FIGN: variants seen among roughly 807,000 people sequenced by gnomAD.
The protein encoded by FIGN is fidgetin.
Under a neutral mutation model 51.3 loss-of-function variants are expected in FIGN, and 11 were observed. The ratio of observed to expected loss-of-function variants is 0.21; its 90% CI spans 0.13 to 0.35. The LOEUF (loss-of-function observed/expected upper bound fraction) is 0.35, where lower values mean the gene tolerates loss of function less well. FIGN is among the 10% of genes least tolerant of loss of function. FIGN has a pLI of 1.00. For synonymous variants in FIGN, 407 were observed against 363.2 expected (o/e 1.12, Z -1.37); for missense variants, 857 against 943.6 (o/e 0.91, Z 1.20).
At chr2:163,692,937 G>A (rs1684260016) in intron 2 of FIGN, among the ~76,000 whole-genome samples, 1 of 152,214 alleles carries the variant, frequency 6.6e-6, no homozygotes. Context: ...CAACCTTGAT[G>A]CAATAGGTGG....
intron 2 of FIGN, among the ~76,000 whole-genome samples, chr2:163,647,234 T>G (rs1398498412): frequency 6.6e-6 from 1 of 152,194 alleles, no homozygotes; most frequent in African/African-American, 2.4e-5. Context: ...GGAATGTAAT[T>G]GGCAAATGCT....
At chr2:163,729,293 T>G (rs190053957) in intron 2 of FIGN, among the ~76,000 whole-genome samples, 3 of 152,064 alleles carry the variant, frequency 2.0e-5, no homozygotes, top group South Asian at 2.1e-4. Flanking sequence ...GCAGTTTCTG[T>G]TCTCATGCCA....
intron 2 of FIGN, chr2:163,612,370 T>A: frequency 1.0e-6 from 1 of 985,392 alleles, no homozygotes; most frequent in Middle Eastern, 5.2e-4. Flanking sequence ...CACAGTATAA[T>A]GCTCCCTGCG....
chr2:163,632,994 C>T (rs2105311926), intron 2 of FIGN, among the ~76,000 whole-genome samples: 1 of 152,028 alleles, frequency 6.6e-6, no homozygotes, highest in Non-Finnish European at 1.5e-5. Context: ...AGTTGGAGAC[C>T]AGTCTGAGCA....
intron 2 of FIGN, among the ~76,000 whole-genome samples, chr2:163,641,719 G>A (rs1377964892): frequency 6.6e-6 from 1 of 152,172 alleles, no homozygotes; most frequent in East Asian, 1.9e-4. Context: ...CAAATGCCAT[G>A]GCAGCAAATG....
chr2:163,654,675 T>C (rs1315597781), intron 2 of FIGN, among the ~76,000 whole-genome samples: 1 of 152,136 alleles, frequency 6.6e-6, no homozygotes, highest in African/African-American at 2.4e-5. Context: ...GGCCGAGTTA[T>C]TTTTCATAGG....
At position 163,672,925 on chromosome 2, in the gene FIGN, C is replaced by A. The variant is rs1374278105; in HGVS notation, c.26-61119G>T. Among the ~76,000 whole-genome samples, 2 of 152,092 alleles carry A rather than the reference C, an allele frequency of 1.3e-5. 1 individual carries two copies. The highest frequency in any genetic ancestry group is 3.9e-4 in the East Asian group (2 of 5,182). ...TTTCTTTAAATGGCCATTTCTGTAA[C>A]TTTCCAAAGAGGAAAGAGATATAGT... is the stretch of plus-strand genomic sequence containing the variant. On this transcript the variant is annotated intron_variant, in intron 2 of 2. Coordinates refer to ENST00000333129, the MANE Select transcript of FIGN (RefSeq NM_018086.4).
intron 2 of FIGN, among the ~76,000 whole-genome samples, chr2:163,660,814 C>G (rs1353232945): frequency 1.8e-5 from 1 of 56,122 alleles, no homozygotes; most frequent in Admixed American, 2.7e-4. Context: ...CATATATATA[C>G]ATATACATAT....
At chr2:163,679,796 T>TC (rs1684030914) in intron 2 of FIGN, among the ~76,000 whole-genome samples, 1 of 152,242 alleles carries the variant, frequency 6.6e-6, no homozygotes, top group African/African-American at 2.4e-5. Flanking sequence ...TCCTCTATAA[T>TC]CTGTTTCAGT....
At chr2:163,727,534 C>A (rs1486057071) in intron 2 of FIGN, among the ~76,000 whole-genome samples, 1 of 152,062 alleles carries the variant, frequency 6.6e-6, no homozygotes, top group Non-Finnish European at 1.5e-5. Flanking sequence ...GATTTTTCTT[C>A]TTAGAAAGTC....
rs115862078 is a variant in FIGN at position 163,667,913 on chromosome 2, G to A, written c.26-56107C>T. 7.9e-3 allele frequency among the ~76,000 whole-genome samples: 1,203 copies of A among 151,630 alleles called. 15 individuals carry two copies. The highest frequency in any genetic ancestry group is 0.028 in the African/African-American group (1,163 of 41,226). On this transcript the variant is annotated intron_variant, in intron 2 of 2. Transcript: ENST00000333129. ...GCCTGGAATATAGATATGTGTGTAC[G>A]TCTTTGAATAAGTAAATAAACAAGC...
At chr2:163,612,461 G>A (rs772956039) in intron 2 of FIGN, 5 of 985,206 alleles carry the variant, frequency 5.1e-6, no homozygotes, top group Non-Finnish European at 6.0e-6. Flanking sequence ...TTTCAAATCT[G>A]CTTCGTGGAG....
intron 2 of FIGN, among the ~76,000 whole-genome samples, chr2:163,640,477 T>G (rs1214838823): frequency 6.6e-6 from 1 of 152,216 alleles, no homozygotes; most frequent in Non-Finnish European, 1.5e-5. Flanking sequence ...GGTTTCCATT[T>G]TTTTATTTAT....
At chr2:163,659,416 T>A (rs1442357508) in intron 2 of FIGN, among the ~76,000 whole-genome samples, 1 of 152,196 alleles carries the variant, frequency 6.6e-6, no homozygotes, top group Non-Finnish European at 1.5e-5. Context: ...TTTAAATGAA[T>A]CACCAAGGGC....
At chr2:163,723,426 G>A (rs16848858) in intron 2 of FIGN, among the ~76,000 whole-genome samples, 1,862 of 152,170 alleles carry the variant, frequency 0.012, 42 homozygotes, top group African/African-American at 0.042. Context: ...TATAGTAGGA[G>A]AAAGATGATG....
intron 2 of FIGN, among the ~76,000 whole-genome samples, chr2:163,679,281 C>T (rs1684020509): frequency 6.6e-6 from 1 of 151,948 alleles, no homozygotes; most frequent in Non-Finnish European, 1.5e-5. Context: ...ATCACGAGGT[C>T]AGGAGATCAA....
At chr2:163,707,481 A>C (rs1188830056) in intron 2 of FIGN, among the ~76,000 whole-genome samples, 1 of 152,204 alleles carries the variant, frequency 6.6e-6, no homozygotes, top group African/African-American at 2.4e-5. Context: ...GAAACAAAGA[A>C]GATTAAAAAT....
chr2:163,724,889 T>C (rs1202858761), intron 2 of FIGN, among the ~76,000 whole-genome samples: 1 of 152,198 alleles, frequency 6.6e-6, no homozygotes, highest in African/African-American at 2.4e-5. Context: ...TAGTGCTACA[T>C]GCTATTTACT....
At chr2:163,612,635 C>T (rs1469633754) in intron 2 of FIGN, 2 of 984,690 alleles carry the variant, frequency 2.0e-6, no homozygotes, top group Non-Finnish European at 2.4e-6. Context: ...AGCGTTCTCC[C>T]TCCTTCTCTT....
Sources: gnomAD v4.1 joint callset for allele counts (sites outside exome capture counted in the v4.1 genomes callset) on GRCh38, gnomAD v4.1.1 for gene constraint, MANE v1.5 for transcripts, NCBI Gene and HGNC (gene_info 2026-07-23, HGNC 2026-07-21) for gene names.